LRRC7: variants seen among roughly 807,000 people sequenced by gnomAD.
The protein encoded by LRRC7 is leucine rich repeat containing 7, also known as leucine-rich repeat-containing protein 7.
A neutral mutation model predicts 175.7 loss-of-function variants in LRRC7; 23 were observed. That is an observed-to-expected ratio of 0.13 (90% confidence interval 0.09 to 0.19). LRRC7 has a LOEUF of 0.19. LRRC7 is among the 10% of genes least tolerant of loss of function. The pLI is 1.00. For synonymous variants in LRRC7, 685 were observed against 680.9 expected (o/e 1.01, Z -0.09); for missense variants, 1,354 against 1,904.7 (o/e 0.71, Z 5.38).
intron 1 of LRRC7, among the ~76,000 whole-genome samples, chr1:69,657,252 A>C (rs1488810381): frequency 6.6e-6 from 1 of 151,898 alleles, no homozygotes; most frequent in Admixed American, 6.6e-5. Flanking sequence ...TGAAAGACTA[A>C]AAGAATAATA....
intron 22 of LRRC7, among the ~76,000 whole-genome samples, chr1:70,051,959 C>G (rs1660780155): frequency 6.6e-6 from 1 of 151,954 alleles, no homozygotes; most frequent in African/African-American, 2.4e-5. Context: ...TGAGAATAGC[C>G]CAGTTCTCCC....
chr1:69,573,507 A>G (rs945745312), intron 1 of LRRC7, among the ~76,000 whole-genome samples: 2 of 152,202 alleles, frequency 1.3e-5, no homozygotes, highest in African/African-American at 4.8e-5. Flanking sequence ...TTAATAATCT[A>G]GTAGAATCTG....
rs541727940 is a variant in LRRC7, at chr1:70,003,989, T to A, written c.1005-7808T>A. On this transcript the variant is annotated intron_variant, in intron 11 of 26. Coordinates refer to ENST00000651989, the MANE Select transcript of LRRC7 (RefSeq NM_001370785.2). The stretch of plus-strand genomic sequence containing the variant: ...TAATCTAACGTAATTTTTTTGCAAA[T>A]TCTATTTTCAAGCAGTCTAATCAAC... 7.9e-5 allele frequency among the ~76,000 whole-genome samples: 12 copies of A among 152,314 alleles called. No homozygotes were observed. In the South Asian group the frequency reaches 1.5e-3, roughly 18 times the overall value.
At chr1:69,614,997 A>G (rs1279510352) in intron 1 of LRRC7, among the ~76,000 whole-genome samples, 2 of 152,048 alleles carry the variant, frequency 1.3e-5, no homozygotes, top group Admixed American at 1.3e-4. Context: ...ATTTTCTTCT[A>G]CTTTTTCCAT....
intron 1 of LRRC7, among the ~76,000 whole-genome samples, chr1:69,625,132 T>A (rs953005945): frequency 6.6e-6 from 1 of 151,972 alleles, no homozygotes; most frequent in African/African-American, 2.4e-5. Context: ...GGAGTTTTCT[T>A]TGTGGGGAGA....
intron 2 of LRRC7, among the ~76,000 whole-genome samples, chr1:69,724,471 C>T (rs886614256): frequency 6.6e-6 from 1 of 152,148 alleles, no homozygotes; most frequent in Non-Finnish European, 1.5e-5. Context: ...ACATAACATG[C>T]AATAAACATT....
chr1:69,819,965 GT>G (rs1325724696), intron 4 of LRRC7, among the ~76,000 whole-genome samples: 1 of 151,752 alleles, frequency 6.6e-6, no homozygotes, highest in Non-Finnish European at 1.5e-5. Flanking sequence ...GTTGGGTCAT[GT>G]TTTTTTCACC....
At chr1:69,717,863 AAAG>A (rs1665710244) in intron 2 of LRRC7, among the ~76,000 whole-genome samples, 1 of 129,774 alleles carries the variant, frequency 7.7e-6, no homozygotes, top group African/African-American at 2.9e-5. Context: ...GGAAAGAAAG[AAAG>A]AAAGAAAGAA....
At chr1:69,918,047 T>G (rs1453590842) in intron 7 of LRRC7, among the ~76,000 whole-genome samples, 1 of 152,194 alleles carries the variant, frequency 6.6e-6, no homozygotes, top group Non-Finnish European at 1.5e-5. Flanking sequence ...CTGTTTGTTG[T>G]TCCTTCTTCT....
intron 2 of LRRC7, among the ~76,000 whole-genome samples, chr1:69,739,069 G>A (rs1668429672): frequency 6.6e-6 from 1 of 152,068 alleles, no homozygotes; most frequent in African/African-American, 2.4e-5. Flanking sequence ...AAGCAAGATA[G>A]CAGTAGCTGG....
Position 70,053,084 on chromosome 1 carries a change from G to A in LRRC7, c.4169G>A (p.Gly1390Asp). ...GGACAAGAAGATGTATCTCCTAGTGGCCAATGGAATCCTTATCCACTTGGG... is the reference window on the plus strand; with the variant it reads ...GGACAAGAAGATGTATCTCCTAGTGACCAATGGAATCCTTATCCACTTGGG... ...DNGQEDVSPS[G>D]QWNPYPLGRR... The change falls in exon 23 of 27, where the codon GGC (glycine) becomes GAC (aspartate). Residue 1390 changes from glycine (G) to aspartate (D), a missense_variant. Gly to Asp is a moderately conservative substitution (Grantham distance 94). Coordinates refer to ENST00000651989, the MANE Select transcript of LRRC7 (RefSeq NM_001370785.2). 6.2e-7 allele frequency: 1 copy of A among 1,611,476 alleles called. No individual in the cohort carries two copies. Among genetic ancestry groups the A allele is most frequent in the Non-Finnish European group, 8.5e-7 (1 of 1,178,598 alleles).
intron 24 of LRRC7, among the ~76,000 whole-genome samples, chr1:70,077,665 A>G (rs760262458): frequency 2.6e-5 from 4 of 152,150 alleles, no homozygotes; most frequent in Non-Finnish European, 4.4e-5. Flanking sequence ...GTTAGCATGC[A>G]ATTATTCTGA....
chr1:69,786,442 T>TC (rs1285086400), intron 3 of LRRC7, among the ~76,000 whole-genome samples: 1 of 152,116 alleles, frequency 6.6e-6, no homozygotes, highest in Non-Finnish European at 1.5e-5. Context: ...TTCCTTTTTT[T>TC]CTTCTTTTTC....
At chr1:69,657,479 TAA>T (rs1656818615) in intron 1 of LRRC7, among the ~76,000 whole-genome samples, 1 of 151,872 alleles carries the variant, frequency 6.6e-6, no homozygotes, top group Non-Finnish European at 1.5e-5. Flanking sequence ...TTGAAAAGTA[TAA>T]GATTCCCAAG....
intron 8 of LRRC7, among the ~76,000 whole-genome samples, chr1:69,945,804 A>AT (rs1649244281): frequency 6.6e-6 from 1 of 152,092 alleles, no homozygotes; most frequent in Non-Finnish European, 1.5e-5. Context: ...ATTTTTCTGT[A>AT]TAAAAACTCT....
chr1:69,919,582 C>A, intron 7 of LRRC7: 2 of 804,208 alleles, frequency 2.5e-6, no homozygotes, highest in Admixed American at 1.9e-5. Context: ...GGCAGGAAAT[C>A]ACCCGGACCA....
chr1:69,874,821 A>T (rs775319473), intron 7 of LRRC7: 6 of 152,072 alleles, frequency 3.9e-5, no homozygotes, highest in Non-Finnish European at 7.4e-5. Flanking sequence ...TGATTTTTCC[A>T]TGAGTACTTA....
At chr1:69,850,326 C>G (rs1223812116) in intron 7 of LRRC7, among the ~76,000 whole-genome samples, 1 of 151,960 alleles carries the variant, frequency 6.6e-6, no homozygotes, top group Non-Finnish European at 1.5e-5. Context: ...TGTGAAAGGA[C>G]AGTGGGGTAA....
chr1:69,785,860 T>C (rs1425749764), intron 3 of LRRC7, among the ~76,000 whole-genome samples: 1 of 152,182 alleles, frequency 6.6e-6, no homozygotes, highest in Non-Finnish European at 1.5e-5. Context: ...ACCTCACTCA[T>C]TTTATTTTCT....
Sources: allele counts gnomAD v4.1 joint callset (sites outside exome capture counted in the v4.1 genomes callset), GRCh38; gene constraint gnomAD v4.1.1; transcripts MANE v1.5; gene names NCBI Gene and HGNC (gene_info 2026-07-23, HGNC 2026-07-21).